Variants in FGGY observed in about 807,000 individuals in gnomAD.
FGGY encodes the protein FGGY carbohydrate kinase domain-containing protein.
Under a neutral mutation model 71.3 loss-of-function variants are expected in FGGY, and 72 were observed. The ratio of observed to expected loss-of-function variants is 1.01; its 90% CI spans 0.84 to 1.23. The LOEUF (loss-of-function observed/expected upper bound fraction) is 1.23. Ranked by LOEUF, FGGY falls within the 50% of genes most tolerant of loss-of-function variation. The pLI, the probability that FGGY is intolerant of heterozygous loss-of-function variation, is 0.00. For synonymous variants in FGGY, 251 were observed against 250.3 expected (o/e 1.00, Z -0.02); for missense variants, 668 against 682.3 (o/e 0.98, Z 0.23).
Position 59,396,585 on chromosome 1 carries a change from G to A in FGGY, c.554+17748G>A, listed in dbSNP as rs375794890. ...TGGGGAATCAAAGTTTGATGTTATC[G>A]CACTTCCTAGAAGTGGCCTCAGGTC... On this transcript the variant is annotated intron_variant, in intron 5 of 15. Transcript: ENST00000303721. Among the ~76,000 whole-genome samples, 601 of 152,194 alleles carry A rather than the reference G, an allele frequency of 3.9e-3. 1 individual carries two copies. The highest frequency in any genetic ancestry group is 0.011 in the South Asian group (53 of 4,814).
chr1:59,454,289 T>G (rs1201419860), intron 5 of FGGY, among the ~76,000 whole-genome samples: 1 of 152,176 alleles, frequency 6.6e-6, no homozygotes, highest in Non-Finnish European at 1.5e-5. Flanking sequence ...CTCCCTAATA[T>G]TACTCTTGCC....
intron 6 of FGGY, among the ~76,000 whole-genome samples, chr1:59,468,708 TA>T (rs2092777452): frequency 6.6e-6 from 1 of 151,648 alleles, no homozygotes; most frequent in Non-Finnish European, 1.5e-5. Flanking sequence ...CTGTCTTTAT[TA>T]AAAATACAAA....
At chr1:59,623,060 G>A (rs1340969348) in intron 9 of FGGY, among the ~76,000 whole-genome samples, 1 of 152,130 alleles carries the variant, frequency 6.6e-6, no homozygotes, top group Non-Finnish European at 1.5e-5. Flanking sequence ...TAGGGTAAGA[G>A]ACAGACATAT....
chr1:59,743,674 C>T (rs960354353), intron 14 of FGGY, among the ~76,000 whole-genome samples: 2 of 151,992 alleles, frequency 1.3e-5, no homozygotes, highest in Non-Finnish European at 2.9e-5. Flanking sequence ...GACTGGATTC[C>T]CTGTGTCTTG....
At chr1:59,350,936 A>T (rs1353680194) in intron 4 of FGGY, among the ~76,000 whole-genome samples, 1 of 152,212 alleles carries the variant, frequency 6.6e-6, no homozygotes, top group Non-Finnish European at 1.5e-5. Flanking sequence ...TTTTTGTTAC[A>T]TGAGTCTTGG....
At chr1:59,530,722 A>G (rs989672452) in intron 7 of FGGY, among the ~76,000 whole-genome samples, 1 of 152,230 alleles carries the variant, frequency 6.6e-6, no homozygotes, top group Non-Finnish European at 1.5e-5. Context: ...ACCAAGATCC[A>G]GAAGCATGAG....
chr1:59,751,374 A>G (rs80261633), intron 14 of FGGY, among the ~76,000 whole-genome samples: 1,748 of 152,266 alleles, frequency 0.011, 35 homozygotes, highest in African/African-American at 0.039. Flanking sequence ...TTTTAACCAT[A>G]TACCCCCATC....
intron 1 of FGGY, among the ~76,000 whole-genome samples, chr1:59,314,816 G>A (rs752206585): frequency 2.0e-5 from 3 of 152,314 alleles, no homozygotes; most frequent in South Asian, 2.1e-4. Context: ...TAAGATAGAC[G>A]CAGCTTATGT....
intron 7 of FGGY, among the ~76,000 whole-genome samples, chr1:59,552,728 T>G (rs1008211485): frequency 1.3e-5 from 2 of 152,180 alleles, no homozygotes; most frequent in Non-Finnish European, 2.9e-5. Flanking sequence ...TACACTGATT[T>G]CCCTGCACTG....
At chr1:59,469,050 G>C (rs2092801833) in intron 6 of FGGY, among the ~76,000 whole-genome samples, 1 of 152,046 alleles carries the variant, frequency 6.6e-6, no homozygotes, top group Non-Finnish European at 1.5e-5. Flanking sequence ...CTAGACTTTG[G>C]AACCTGCACA....
At chr1:59,610,732 G>T (rs1436870105) in intron 9 of FGGY, among the ~76,000 whole-genome samples, 1 of 152,246 alleles carries the variant, frequency 6.6e-6, no homozygotes, top group African/African-American at 2.4e-5. Flanking sequence ...CACCCGGGAA[G>T]CACAAGGGGT....
chr1:59,531,768 G>A (rs74962807), intron 7 of FGGY, among the ~76,000 whole-genome samples: 4,761 of 152,212 alleles, frequency 0.031, 252 homozygotes, highest in African/African-American at 0.11. Flanking sequence ...AAATCCTCTA[G>A]GTGTTATTTG....
chr1:59,517,369 C>T (rs887114558), intron 7 of FGGY, among the ~76,000 whole-genome samples: 6 of 149,130 alleles, frequency 4.0e-5, no homozygotes, highest in African/African-American at 1.5e-4. Context: ...GGGTTCACGC[C>T]ATTCTCCTGC....
intron 10 of FGGY, among the ~76,000 whole-genome samples, chr1:59,635,529 G>T (rs1055942986): frequency 7.0e-6 from 1 of 142,018 alleles, no homozygotes; most frequent in Non-Finnish European, 1.5e-5. Context: ...AGAATGAAAA[G>T]ATTTATAGAC....
At chr1:59,522,866 A>C (rs570274815) in intron 7 of FGGY, among the ~76,000 whole-genome samples, 1 of 152,284 alleles carries the variant, frequency 6.6e-6, no homozygotes, top group East Asian at 1.9e-4. Context: ...CAAACAATGG[A>C]AAAGTAGTAC....
At chr1:59,591,683 TGGGGAA>T (rs1241137433) in intron 8 of FGGY, among the ~76,000 whole-genome samples, 3 of 152,096 alleles carry the variant, frequency 2.0e-5, no homozygotes, top group African/African-American at 7.2e-5. Flanking sequence ...AAACAAGCAA[TGGGGAA>T]AGGATTCCCT....
intron 6 of FGGY, among the ~76,000 whole-genome samples, chr1:59,488,624 T>C (rs1440349038): frequency 2.0e-5 from 3 of 150,198 alleles, no homozygotes; most frequent in African/African-American, 4.9e-5. Flanking sequence ...ATCATTACTT[T>C]ACACAATTGA....
chr1:59,388,020 CTTA>C (rs1172766716), intron 5 of FGGY, among the ~76,000 whole-genome samples: 1 of 152,126 alleles, frequency 6.6e-6, no homozygotes, highest in East Asian at 1.9e-4. Flanking sequence ...GAAAAGTTGT[CTTA>C]TTATCTCAGA....
At chr1:59,490,806 G>A (rs1048020256) in intron 6 of FGGY, among the ~76,000 whole-genome samples, 3 of 152,082 alleles carry the variant, frequency 2.0e-5, no homozygotes, top group East Asian at 1.9e-4. Flanking sequence ...AATGCTGTTG[G>A]TGCTTTTTTC....
Sources: allele counts gnomAD v4.1 joint callset (sites outside exome capture counted in the v4.1 genomes callset), GRCh38; gene constraint gnomAD v4.1.1; transcripts MANE v1.5; gene names NCBI Gene and HGNC (gene_info 2026-07-23, HGNC 2026-07-21).